The following SPICE1 variants were observed in gnomAD, a reference collection of about 807,000 sequenced individuals.
The protein encoded by SPICE1 is spindle and centriole associated protein 1, also known as spindle and centriole-associated protein 1.
In SPICE1, 75 loss-of-function variants were observed where a neutral mutation model predicts 102.7. The ratio of observed to expected loss-of-function variants is 0.73; its 90% CI spans 0.61 to 0.88. SPICE1 has a LOEUF of 0.88. Among genes scored for constraint, SPICE1 ranks in the 40% least tolerant of loss-of-function variants. The probability of loss-of-function intolerance (pLI) is 0.00; values close to 1 mark genes in which losing one functional copy is unlikely to be tolerated. For missense variants in SPICE1, 979 were observed against 1,020.1 expected, an observed-to-expected ratio of 0.96 and a Z score of 0.55; for synonymous variants, 308 against 350.3, an observed-to-expected ratio of 0.88 and a Z score of 1.35.
At chr3:113,455,289 A>G (rs973560596) in intron 13 of SPICE1, among the ~76,000 whole-genome samples, 3 of 152,170 alleles carry the variant, frequency 2.0e-5, no homozygotes, top group African/African-American at 7.2e-5. Context: ...AGACACACAC[A>G]CCCACTACTC....
chr3:113,448,134 G>C lies in SPICE1; in HGVS notation c.2330C>G (p.Ala777Gly), dbSNP rs770389293. The C allele has an allele frequency of 1.0e-5, 16 of 1,600,176 alleles. No individual in the cohort carries two copies. The South Asian group carries it at 1.7e-4, about 17-fold the overall frequency. Residue 777 changes from alanine to glycine, a missense_variant, in exon 16 of 18, where the codon GCA becomes GGA. Coordinates refer to ENST00000295872, the MANE Select transcript of SPICE1 (RefSeq NM_144718.4). ...QLPLRAWTEG[A>G]KRTIEVSIPG... ...AATAGATACCTCAATTGTCCTCTTT[G>C]CTCCTTCTAAAATATAAAAATAAAT...
Position 113,444,512 on chromosome 3 carries a change from A to AG in SPICE1, c.*794_*795insC, listed in dbSNP as rs1163848301. On this transcript the variant is annotated 3_prime_UTR_variant, in exon 18 of 18. Coordinates refer to ENST00000295872, the MANE Select transcript of SPICE1 (RefSeq NM_144718.4). ...AGACTCTGTCTCAAAAAAAAAAAAA[A>AG]AAGAGAAATCTACCCTGAAAGATCT... The AG allele has an allele frequency of 6.6e-6, 1 of 152,104 alleles. No homozygotes were observed. The highest frequency in any genetic ancestry group is 1.5e-5 in the Non-Finnish European group (1 of 68,010). The allele number at this position is 152,104 out of a possible 1,614,324, so 9.4% of individuals were successfully genotyped here. A position where few individuals can be genotyped will look rare whatever the true frequency, so the allele number is the denominator to read the frequency against.
At chr3:113,481,272 A>G (rs1559968193) in intron 7 of SPICE1, among the ~76,000 whole-genome samples, 1 of 152,222 alleles carries the variant, frequency 6.6e-6, no homozygotes, top group Admixed American at 6.5e-5. Context: ...TAGGAGGTAT[A>G]ATGGAAGACA....
At position 113,472,177 on chromosome 3, in the gene SPICE1, A is replaced by T. The variant is rs891385379; in HGVS notation, c.612-2939T>A. Among the ~76,000 whole-genome samples, 5 of 152,340 alleles carry T rather than the reference A, an allele frequency of 3.3e-5. No homozygotes were observed. In the East Asian group the frequency reaches 9.6e-4, roughly 29 times the overall value. ...GTCTTACGCCCACAGAGTCTCACTG[A>T]TTGCTAGCACAGCAGTCTGAGATCA... is the stretch of plus-strand genomic sequence containing the variant. On this transcript the variant is annotated intron_variant, in intron 7 of 17. Transcript: ENST00000295872.
chr3:113,466,957 G>A (rs974554553), intron 10 of SPICE1, among the ~76,000 whole-genome samples: 1 of 151,682 alleles, frequency 6.6e-6, no homozygotes, highest in Middle Eastern at 3.4e-3. Flanking sequence ...GCTGAGGCTG[G>A]AAAACCACTT....
intron 6 of SPICE1, among the ~76,000 whole-genome samples, chr3:113,489,898 C>CATAA (rs1936730396): frequency 6.6e-6 from 1 of 150,686 alleles, no homozygotes. Context: ...TTTTAACTCC[C>CATAA]ATAATACTGT....
intron 1 of SPICE1, among the ~76,000 whole-genome samples, chr3:113,510,081 A>C (rs957283425): frequency 6.6e-6 from 1 of 152,228 alleles, no homozygotes; most frequent in Non-Finnish European, 1.5e-5. Context: ...CCTAGCATAC[A>C]AAATTGTATT....
At chr3:113,509,709 T>G (rs994801989) in intron 1 of SPICE1, among the ~76,000 whole-genome samples, 5 of 152,202 alleles carry the variant, frequency 3.3e-5, no homozygotes, top group Admixed American at 6.5e-5. Flanking sequence ...CTGATATGGT[T>G]TGGCTGAGTC....
chr3:113,460,057 A>C, intron 12 of SPICE1: 1 of 985,458 alleles, frequency 1.0e-6, no homozygotes, highest in African/African-American at 1.7e-5. Context: ...TCAAAGTCTT[A>C]CTTAAAAGTA....
At position 113,503,151 on chromosome 3, in the gene SPICE1, AAT is replaced by A. The variant is rs779755905; in HGVS notation, c.147+27_147+28del. On this transcript the variant is annotated intron_variant, in intron 3 of 17. Transcript: ENST00000295872. ...CAAATACCAAATAAAACACTGAATA[AAT>A]GACTTAAGTTTTGATATTAAACTCA... 8 of 1,599,124 alleles carry A rather than the reference AAT, an allele frequency of 5.0e-6. 1 individual carries two copies. The South Asian group carries it at 6.8e-5, about 14-fold the overall frequency.
In SPICE1 at chr3:113,460,617, C is replaced by CT; in HGVS notation, c.1434dup (p.Glu479ArgfsTer21). On this transcript the variant is annotated frameshift_variant and splice_region_variant, in exon 12 of 18. Coordinates refer to ENST00000295872, the MANE Select transcript of SPICE1 (RefSeq NM_144718.4). LOFTEE classifies it high-confidence loss of function. ...TCTGAGAGAGTAAGACCACACTCAC[C>CT]TGGACTGTCCATAACTCTTCTACCT... The CT allele has an allele frequency of 6.2e-7, 1 of 1,608,402 alleles. No individual in the cohort carries two copies.
chr3:113,490,820 C>G (rs1936748727), intron 6 of SPICE1, among the ~76,000 whole-genome samples: 3 of 152,178 alleles, frequency 2.0e-5, no homozygotes, highest in African/African-American at 7.2e-5. Flanking sequence ...TCTCACTTGT[C>G]CTGTCCTATC....
intron 7 of SPICE1, among the ~76,000 whole-genome samples, chr3:113,487,223 G>T (rs1936670013): frequency 6.6e-6 from 1 of 152,052 alleles, no homozygotes; most frequent in African/African-American, 2.4e-5. Flanking sequence ...TTGCAGGATT[G>T]AATATGAATA....
In SPICE1 at chr3:113,469,117, A is replaced by G; in HGVS notation, c.733T>C (p.Ser245Pro). 6.2e-7 allele frequency: 1 copy of G among 1,613,242 alleles called. No individual in the cohort carries two copies. The highest frequency in any genetic ancestry group is 1.1e-5 in the South Asian group (1 of 90,938). ...TPPGTPSSAL[S>P]SGEQRAALNA... is the part of the protein sequence containing the mutation. ...AACAAACCTCTTTGCTCCCCTGATGAAAGAGCAGATGATGGCGTTCCTGGA... is the reference window on the plus strand; with the variant it reads ...AACAAACCTCTTTGCTCCCCTGATGGAAGAGCAGATGATGGCGTTCCTGGA... The change falls in exon 8 of 18, where the codon TCA becomes CCA. Residue 245 changes from serine to proline, a missense_variant. By Grantham distance (74) the Ser-to-Pro change is moderately conservative. Coordinates refer to ENST00000295872, the MANE Select transcript of SPICE1 (RefSeq NM_144718.4).
chr3:113,452,589 C>G (rs1425456054), intron 14 of SPICE1, among the ~76,000 whole-genome samples: 1 of 152,122 alleles, frequency 6.6e-6, no homozygotes, highest in Non-Finnish European at 1.5e-5. Context: ...GAGGCTGAGG[C>G]AGCAGAATCG....
intron 3 of SPICE1, among the ~76,000 whole-genome samples, chr3:113,500,845 T>C (rs954427486): frequency 6.6e-6 from 1 of 152,196 alleles, no homozygotes; most frequent in African/African-American, 2.4e-5. Context: ...GTATAAGATA[T>C]GGTCTGTATC....
intron 12 of SPICE1, among the ~76,000 whole-genome samples, chr3:113,458,192 TCTCCCGTCTCCCTCTCCCGTCTCC>T (rs1490401635): frequency 2.0e-3 from 138 of 68,920 alleles, no homozygotes; most frequent in Admixed American, 0.014. Flanking sequence ...CCCGTCTCCC[TCTCCCGTCTCCCTCTCCCGTCTCC>T]CTCTCCCGTC....
At chr3:113,457,651 T>C (rs1215266004) in intron 12 of SPICE1, among the ~76,000 whole-genome samples, 1 of 152,058 alleles carries the variant, frequency 6.6e-6, no homozygotes, top group Non-Finnish European at 1.5e-5. Flanking sequence ...ATTCCAGAGT[T>C]TGTCTTTTCC....
At chr3:113,472,135 G>A (rs536651085) in intron 7 of SPICE1, among the ~76,000 whole-genome samples, 5 of 152,294 alleles carry the variant, frequency 3.3e-5, no homozygotes, top group East Asian at 1.9e-4. Flanking sequence ...GATTATATCC[G>A]GCACCTGGCT....
Sources: gnomAD v4.1 joint callset for allele counts (sites outside exome capture counted in the v4.1 genomes callset) on GRCh38, gnomAD v4.1.1 for gene constraint, MANE v1.5 for transcripts, NCBI Gene and HGNC (gene_info 2026-07-23, HGNC 2026-07-21) for gene names.